The following IGF1R variants were observed in gnomAD, a reference collection of about 807,000 sequenced individuals.
IGF1R encodes the protein insulin like growth factor 1 receptor, also known as insulin-like growth factor 1 receptor.
Under a neutral mutation model 144.6 loss-of-function variants are expected in IGF1R, and 44 were observed. The ratio of observed to expected loss-of-function variants is 0.30; its 90% CI spans 0.24 to 0.39. The LOEUF is 0.39. Ranked by LOEUF, IGF1R falls within the 10% of genes least tolerant of loss-of-function variation. The pLI is 1.00. For missense variants in IGF1R, 1,355 were observed against 1,833.7 expected (o/e 0.74, Z 4.77); for synonymous variants, 795 against 722.8 (o/e 1.10, Z -1.60).
chr15:98,843,675 C>G (rs1267332335), intron 2 of IGF1R, among the ~76,000 whole-genome samples: 1 of 152,006 alleles, frequency 6.6e-6, no homozygotes, highest in Non-Finnish European at 1.5e-5. Context: ...AAAAACTCAC[C>G]CATTTGAGCT....
chr15:98,651,996 G>C (rs996110664), intron 1 of IGF1R, among the ~76,000 whole-genome samples: 1 of 152,090 alleles, frequency 6.6e-6, no homozygotes, highest in African/African-American at 2.4e-5. Flanking sequence ...CAGGGAGGGC[G>C]TTCTTTCAGC....
intron 2 of IGF1R, among the ~76,000 whole-genome samples, chr15:98,785,294 A>G (rs949818424): frequency 1.3e-5 from 2 of 152,240 alleles, no homozygotes; most frequent in African/African-American, 4.8e-5. Flanking sequence ...CTAATTGTAC[A>G]CAGTCAGATA....
At chr15:98,927,886 A>G (rs2015784092) in intron 13 of IGF1R, among the ~76,000 whole-genome samples, 1 of 152,206 alleles carries the variant, frequency 6.6e-6, no homozygotes, top group Admixed American at 6.5e-5. Context: ...CCATTTCCAC[A>G]TAGACATCTG....
At chr15:98,894,222 G>A (rs1416942544) in intron 3 of IGF1R, among the ~76,000 whole-genome samples, 2 of 152,158 alleles carry the variant, frequency 1.3e-5, no homozygotes, top group Non-Finnish European at 2.9e-5. Flanking sequence ...TTACAGATGT[G>A]AGCCACTGTA....
intron 2 of IGF1R, among the ~76,000 whole-genome samples, chr15:98,878,664 A>AAAAAAAAAAAAAAC: frequency 1.3e-4 from 1 of 7,528 alleles, no homozygotes; most frequent in Non-Finnish European, 5.7e-4. Context: ...TGAAAGACTC[A>AAAAAAAAAAAAAAC]AAAAAAAAAA....
rs569319820 is a variant in IGF1R, at chr15:98,707,025, G to A, written c.95-537G>A. On this transcript the variant is annotated intron_variant, in intron 1 of 20. Coordinates refer to ENST00000650285, the MANE Select transcript of IGF1R (RefSeq NM_000875.5). This position sits in a 1 kb window ranked among gnomAD's most constrained non-coding sequence, Gnocchi z 6.7. Reference sequence around the variant, plus strand: ...CTCGGCTTATGTCAAATGGTAGTGGGAAGCATGGAAGCATGCGTTTTTTAG... The same window carrying A: ...CTCGGCTTATGTCAAATGGTAGTGGAAAGCATGGAAGCATGCGTTTTTTAG... 4.6e-5 allele frequency among the ~76,000 whole-genome samples: 7 copies of A among 152,178 alleles called. No individual in the cohort carries two copies. The highest frequency in any genetic ancestry group is 7.3e-5 in the Non-Finnish European group (5 of 68,032).
chr15:98,759,807 A>G (rs2055248041), intron 2 of IGF1R, among the ~76,000 whole-genome samples: 1 of 152,226 alleles, frequency 6.6e-6, no homozygotes, highest in South Asian at 2.1e-4. Flanking sequence ...TGCTAATGAA[A>G]GAGGTGTCTG....
chr15:98,867,662 A>G (rs191640119), intron 2 of IGF1R, among the ~76,000 whole-genome samples: 1 of 152,280 alleles, frequency 6.6e-6, no homozygotes. Context: ...CTTAGCCCTC[A>G]CAATTGCCTG....
chr15:98,832,487 A>G (rs2057019565), intron 2 of IGF1R, among the ~76,000 whole-genome samples: 1 of 152,202 alleles, frequency 6.6e-6, no homozygotes, highest in Non-Finnish European at 1.5e-5. Flanking sequence ...CACGAGTTAG[A>G]TTTCTTGAAC....
intron 10 of IGF1R, among the ~76,000 whole-genome samples, chr15:98,921,307 A>G (rs2015475261): frequency 6.6e-6 from 1 of 152,020 alleles, no homozygotes; most frequent in African/African-American, 2.4e-5. Context: ...TTCATATTTG[A>G]CCAAAGCAGC....
At position 98,930,322 on chromosome 15, in the gene IGF1R, C is replaced by T. The variant is rs199805411; in HGVS notation, c.2956+17C>T. ...CTGCTGATGGTAAGAGTCCGGGCCA[C>T]CAGCACTGCCAGCGTGCAGGGCAGG... On this transcript the variant is annotated intron_variant, in intron 15 of 20. Transcript: ENST00000650285. 19 of 1,589,026 alleles carry T rather than the reference C, an allele frequency of 1.2e-5. No individual in the cohort carries two copies. In the African/African-American group the frequency reaches 2.3e-4, roughly 19 times the overall value.
Position 98,963,681 on chromosome 15 carries a change from C to G in IGF1R, c.*6239C>G, listed in dbSNP as rs922407358. 5 of 233,194 alleles carry G rather than the reference C, an allele frequency of 2.1e-5. No individual in the cohort carries two copies. The Admixed American group carries it at 2.2e-4, about 10-fold the overall frequency. The allele number at this position is 233,194 out of a possible 1,614,324, so 14.4% of individuals were successfully genotyped here. A position where few individuals can be genotyped will look rare whatever the true frequency, so the allele number is the denominator to read the frequency against. ...TAAACGATGACAGCTATGGGGCACA[C>G]AGGCCATTTGCTTACATGCCTCGTA... On this transcript the variant is annotated 3_prime_UTR_variant, in exon 21 of 21. Coordinates refer to ENST00000650285, the MANE Select transcript of IGF1R (RefSeq NM_000875.5).
chr15:98,684,533 T>C (rs1256992197), intron 1 of IGF1R, among the ~76,000 whole-genome samples: 1 of 152,172 alleles, frequency 6.6e-6, no homozygotes, highest in Non-Finnish European at 1.5e-5. Context: ...TATGCTGTGG[T>C]TTATTGAGTA....
intron 2 of IGF1R, among the ~76,000 whole-genome samples, chr15:98,796,097 A>G (rs974930900): frequency 2.6e-5 from 4 of 152,062 alleles, no homozygotes; most frequent in Admixed American, 2.0e-4. Context: ...AGCACATATG[A>G]ACGTGAAAGA....
chr15:98,881,917 A>G (rs2013404142), intron 2 of IGF1R, among the ~76,000 whole-genome samples: 1 of 152,232 alleles, frequency 6.6e-6, no homozygotes, highest in African/African-American at 2.4e-5. Context: ...TATTAATACA[A>G]AGTCCTGTAT....
At chr15:98,845,080 T>C (rs142603414) in intron 2 of IGF1R, among the ~76,000 whole-genome samples, 3 of 152,310 alleles carry the variant, frequency 2.0e-5, no homozygotes, top group Non-Finnish European at 2.9e-5. Flanking sequence ...TGGAACGACC[T>C]GGGCAGTACC....
At chr15:98,873,967 A>C (rs2012919856) in intron 2 of IGF1R, 1 of 152,142 alleles carries the variant, frequency 6.6e-6, no homozygotes, top group Admixed American at 6.5e-5. Flanking sequence ...GCTGCCTACC[A>C]CACCTCGTGG....
chr15:98,660,194 C>A (rs1184968432), intron 1 of IGF1R: 2 of 152,198 alleles, frequency 1.3e-5, no homozygotes, highest in Non-Finnish European at 2.9e-5. Flanking sequence ...TTGAACAGTT[C>A]AGGCTGTACT....
chr15:98,746,542 A>G lies in IGF1R; in HGVS notation c.640+38435A>G, dbSNP rs994276381. Among the ~76,000 whole-genome samples, 3 of 152,234 alleles carry G rather than the reference A, an allele frequency of 2.0e-5. No homozygotes were observed. In the East Asian group the frequency reaches 5.8e-4, roughly 29 times the overall value. On this transcript the variant is annotated intron_variant, in intron 2 of 20. Coordinates refer to ENST00000650285, the MANE Select transcript of IGF1R (RefSeq NM_000875.5). ...GAGTCATCCCGGCAGCCCCTGCTCC[A>G]TGAGTGTCTTCCCCACAGTCCTGAG...
Sources: allele counts gnomAD v4.1 joint callset (sites outside exome capture counted in the v4.1 genomes callset), GRCh38; gene constraint gnomAD v4.1.1; non-coding constraint Gnocchi (gnomAD v3.1); transcripts MANE v1.5; gene names NCBI Gene and HGNC (gene_info 2026-07-23, HGNC 2026-07-21).